The following PXK variants were observed in gnomAD, a reference collection of about 807,000 sequenced individuals.
The protein encoded by PXK is PX domain containing serine/threonine kinase like.
Under a neutral mutation model 84.7 loss-of-function variants are expected in PXK, and 35 were observed. The ratio of observed to expected loss-of-function variants is 0.41; its 90% CI spans 0.32 to 0.55. The LOEUF is 0.55. Ranked by LOEUF, PXK falls within the 20% of genes least tolerant of loss-of-function variation. PXK has a pLI of 0.21. For synonymous variants in PXK, 253 were observed against 260.8 expected, an observed-to-expected ratio of 0.97 and a Z score of 0.29; for missense variants, 634 against 699.7, an observed-to-expected ratio of 0.91 and a Z score of 1.06.
chr3:58,369,824 C>CAAAAAAAAA (rs751574356), intron 3 of PXK, among the ~76,000 whole-genome samples: 1 of 64,738 alleles, frequency 1.5e-5, no homozygotes, highest in East Asian at 5.1e-4. Flanking sequence ...AACTCTGTCT[C>CAAAAAAAAA]AAAAAAAAAA....
In PXK at chr3:58,342,634, CAAAAAAA is replaced by C. The variant is rs71091369; in HGVS notation, c.102+9555_102+9561del. On this transcript the variant is annotated intron_variant, in intron 1 of 17. Transcript: ENST00000356151. Reference sequence around the variant, plus strand: ...TGGGCCACAGAGTGAGACTCTGTCTCAAAAAAAAAAAAAAAAAGAAAAGAAAAAAAGA... The same window carrying C: ...TGGGCCACAGAGTGAGACTCTGTCTCAAAAAAAAAAGAAAAGAAAAAAAGA... Among the ~76,000 whole-genome samples, 137 of 113,462 alleles carry C rather than the reference CAAAAAAA, an allele frequency of 1.2e-3. 1 individual carries two copies. Among genetic ancestry groups the C allele is most frequent in the African/African-American group, 2.1e-3 (66 of 30,918 alleles). The allele number at this position is 113,462 out of a possible 152,430, so 74.4% of individuals were successfully genotyped here.
chr3:58,369,366 T>C, intron 2 of PXK, 65 bp from the exon 3 acceptor site: 1 of 1,303,558 alleles, frequency 7.7e-7, no homozygotes, highest in East Asian at 2.4e-5. Context: ...CTAATACATA[T>C]TAAATAAAGA....
Position 58,399,359 on chromosome 3 carries a change from C to T in PXK, c.1163C>T (p.Ser388Phe). Residue 388 changes from serine to phenylalanine, a missense_variant, in exon 12 of 18, where the codon TCC becomes TTC. By Grantham distance (155) the Ser-to-Phe change is radical (BLOSUM62 -2). Coordinates refer to ENST00000356151, the MANE Select transcript of PXK (RefSeq NM_017771.5). The surrounding 1 kb of genome is among the most constrained non-coding windows in gnomAD (Gnocchi z 4.3). The stretch of plus-strand genomic sequence containing the variant: ...TGTAAAAATGGCATGCCTACCATCT[C>T]CCGGCTCTTACAGATGCCGTAAGTC... ...EACKNGMPTI[S>F]RLLQMPLFSD... The T allele has an allele frequency of 4.3e-6, 7 of 1,613,836 alleles. No homozygotes were observed. Among genetic ancestry groups the T allele is most frequent in the Non-Finnish European group, 5.1e-6 (6 of 1,179,708 alleles).
chr3:58,408,703 T>C (rs1470614405), intron 13 of PXK, among the ~76,000 whole-genome samples: 1 of 152,110 alleles, frequency 6.6e-6, no homozygotes, highest in Non-Finnish European at 1.5e-5. Flanking sequence ...TTTGTATTTT[T>C]AGTAGAGATG....
At chr3:58,375,846 T>A (rs2108638566) in intron 3 of PXK, among the ~76,000 whole-genome samples, 1 of 152,354 alleles carries the variant, frequency 6.6e-6, no homozygotes. Context: ...AGCATTATAA[T>A]TGCTTAAGTA....
At position 58,397,086 on chromosome 3, in the gene PXK, C is replaced by T. The variant is rs142004904; in HGVS notation, c.870C>T (p.His290=). ...AGGGATTCCCTTATGGGCATCTTCACGCCTCCAATGTGATGCTCGATGGGG... is the reference window on the plus strand; with the variant it reads ...AGGGATTCCCTTATGGGCATCTTCATGCCTCCAATGTGATGCTCGATGGGG... The part of the protein sequence containing the change: ...HDKGFPYGHL[H]ASNVMLDGDT... Residue 290 remains histidine, a synonymous_variant, in exon 10 of 18, where the codon CAC becomes CAT. Transcript: ENST00000356151. The surrounding 1 kb of genome is among the most constrained non-coding windows in gnomAD (Gnocchi z 4.7). 1.6e-5 allele frequency: 26 copies of T among 1,614,038 alleles called. No individual in the cohort carries two copies. The African/African-American group carries it at 2.1e-4, about 13-fold the overall frequency.
Position 58,391,834 on chromosome 3 carries a change from T to G in PXK, c.602T>G (p.Leu201Arg), listed in dbSNP as rs1406356006. ...GATTTTCAGTGTCTAATCAAACTTC[T>G]GCCTTCTTGTTTGGTGAGTATACGT... ...DKDFQCLIKL[L>R]PSCLHPYIYR... Residue 201 changes from leucine to arginine, a missense_variant, in exon 7 of 18, where the codon CTG becomes CGG. Transcript: ENST00000356151. 1 of 1,611,556 alleles carries G rather than the reference T, an allele frequency of 6.2e-7. No individual in the cohort carries two copies. The highest frequency in any genetic ancestry group is 8.5e-7 in the Non-Finnish European group (1 of 1,177,640).
chr3:58,395,790 A>G (rs749290529), intron 9 of PXK, 31 bp downstream of exon 9: 3 of 1,539,886 alleles, frequency 1.9e-6, no homozygotes, highest in South Asian at 2.3e-5. Context: ...AGTTGCATTC[A>G]GATTTCATCC....
At chr3:58,340,647 C>T (rs1227541610) in intron 1 of PXK, among the ~76,000 whole-genome samples, 1 of 151,914 alleles carries the variant, frequency 6.6e-6, no homozygotes, top group African/African-American at 2.4e-5. Flanking sequence ...AATCCTTGAA[C>T]CCAGGAAGTG....
intron 12 of PXK, among the ~76,000 whole-genome samples, chr3:58,403,648 C>T (rs1031798211): frequency 6.6e-5 from 10 of 152,186 alleles, no homozygotes; most frequent in Non-Finnish European, 1.2e-4. Context: ...CCCAGATACC[C>T]TAGTAACACA....
rs2107701592 is a variant in PXK, at chr3:58,416,997, T to C, written c.1528+4034T>C. 6.6e-6 allele frequency among the ~76,000 whole-genome samples: 1 copy of C among 152,332 alleles called. No homozygotes were observed. The highest frequency in any genetic ancestry group is 2.4e-5 in the African/African-American group (1 of 41,568). On this transcript the variant is annotated intron_variant, in intron 17 of 17. Transcript: ENST00000356151. The surrounding 1 kb of genome is among the most constrained non-coding windows in gnomAD (Gnocchi z 4.8). ...GCAGAACTGGAGGTCGGTCTTCTCC[T>C]GGGCTCAAGTGATCCTCCTGCCTCA...
At chr3:58,395,302 A>G (rs1032446010) in intron 8 of PXK, among the ~76,000 whole-genome samples, 200 bp downstream of exon 8, 2 of 152,242 alleles carry the variant, frequency 1.3e-5, no homozygotes, top group East Asian at 3.8e-4. Context: ...ATGTGAGGAA[A>G]GGTTGAACAT....
At chr3:58,405,857 A>G (rs1257185640) in intron 13 of PXK, among the ~76,000 whole-genome samples, 1 of 152,226 alleles carries the variant, frequency 6.6e-6, no homozygotes, top group African/African-American at 2.4e-5. Flanking sequence ...AAGCTGGGAA[A>G]GTTTAATCTT....
rs1453719567 is a variant in PXK, at chr3:58,398,024, A to G, written c.1102+302A>G. Among the ~76,000 whole-genome samples the G allele has an allele frequency of 1.3e-5, 2 of 152,214 alleles. No homozygotes were observed. Among genetic ancestry groups the G allele is most frequent in the African/African-American group, 4.8e-5 (2 of 41,454 alleles). ...ATGGCCTGCATGAGTGTGATGCAGA[A>G]GCTAGAGCCAGGCAACTTGAAGCCA... is the stretch of plus-strand genomic sequence containing the variant. On this transcript the variant is annotated intron_variant, in intron 11 of 17. Coordinates refer to ENST00000356151, the MANE Select transcript of PXK (RefSeq NM_017771.5). The surrounding 1 kb of genome is among the most constrained non-coding windows in gnomAD (Gnocchi z 4.5).
At position 58,354,432 on chromosome 3, in the gene PXK, G is replaced by C. The variant is rs148133525; in HGVS notation, c.103-11442G>C. On this transcript the variant is annotated intron_variant, in intron 1 of 17. Transcript: ENST00000356151. ...ATGCAAGGTTTTTTATTTTTGTGGT[G>C]TGGAGCTGCTTCCTAGTTTTTTTTT... Among the ~76,000 whole-genome samples, 670 of 151,648 alleles carry C rather than the reference G, an allele frequency of 4.4e-3. 7 individuals carry two copies. Among genetic ancestry groups the C allele is most frequent in the African/African-American group, 0.015 (614 of 41,332 alleles).
At chr3:58,369,760 G>A (rs1451906674) in intron 3 of PXK, among the ~76,000 whole-genome samples, 2 of 150,138 alleles carry the variant, frequency 1.3e-5, no homozygotes, top group Non-Finnish European at 2.9e-5. Flanking sequence ...GGAAGCGGAG[G>A]TTGTGGTGAG....
chr3:58,339,542 T>G lies in PXK; in HGVS notation c.102+6452T>G, dbSNP rs973714879. 1.3e-5 allele frequency among the ~76,000 whole-genome samples: 2 copies of G among 152,066 alleles called. 1 individual carries two copies. Among genetic ancestry groups the G allele is most frequent in the South Asian group, 4.1e-4 (2 of 4,822 alleles). On this transcript the variant is annotated intron_variant, in intron 1 of 17. Coordinates refer to ENST00000356151, the MANE Select transcript of PXK (RefSeq NM_017771.5). ...ACCGTGCCCAGCCAGAAGTTGGTTT[T>G]TTTTGCAGCCTAATTTATGGGCTGG...
intron 2 of PXK, 152 bp downstream of exon 2, chr3:58,366,076 C>T: frequency 1.4e-6 from 1 of 693,760 alleles, no homozygotes; most frequent in Non-Finnish European, 2.3e-6. Flanking sequence ...AGCTTTAAGA[C>T]AAGTATGATA....
chr3:58,406,324 G>C (rs1412638977), intron 13 of PXK, among the ~76,000 whole-genome samples: 1 of 149,438 alleles, frequency 6.7e-6, no homozygotes, highest in Non-Finnish European at 1.5e-5. Flanking sequence ...TTGCCAGGCT[G>C]GAGTGCAGTG....
Sources: allele counts gnomAD v4.1 joint callset (sites outside exome capture counted in the v4.1 genomes callset), GRCh38; gene constraint gnomAD v4.1.1; non-coding constraint Gnocchi (gnomAD v3.1); transcripts MANE v1.5; gene names NCBI Gene and HGNC (gene_info 2026-07-23, HGNC 2026-07-21).